The following DLGAP2 variants were observed in gnomAD, a reference collection of about 807,000 sequenced individuals.
DLGAP2 encodes the protein DLG associated protein 2.
DLGAP2 carries 26 observed loss-of-function variants against 100.3 expected under a neutral mutation model. The observed-to-expected ratio is 0.26, with a 90% CI of 0.19 to 0.36. The LOEUF (loss-of-function observed/expected upper bound fraction) is 0.36. Ranked by LOEUF, DLGAP2 falls within the 10% of genes least tolerant of loss-of-function variation. The pLI is 1.00. For synonymous variants in DLGAP2, 886 were observed against 630.1 expected, an observed-to-expected ratio of 1.41 and a Z score of -6.08; for missense variants, 1,858 against 1,453.2, an observed-to-expected ratio of 1.28 and a Z score of -4.53.
chr8:826,341 A>G (rs1411192022), intron 1 of DLGAP2, among the ~76,000 whole-genome samples: 2 of 151,960 alleles, frequency 1.3e-5, no homozygotes, highest in African/African-American at 2.4e-5. Context: ...GCTTGGTTTT[A>G]TTGATTTTCA....
At chr8:908,691 T>A (rs914026346) in intron 2 of DLGAP2, among the ~76,000 whole-genome samples, 2 of 152,232 alleles carry the variant, frequency 1.3e-5, no homozygotes, top group Non-Finnish European at 2.9e-5. Flanking sequence ...ATTTCTGATT[T>A]ATTTTTATCA....
intron 1 of DLGAP2, among the ~76,000 whole-genome samples, chr8:800,886 C>T (rs1796137335): frequency 6.6e-6 from 1 of 152,168 alleles, no homozygotes; most frequent in East Asian, 1.9e-4. Context: ...CCCCAGCAAT[C>T]CCCGGCCGTG....
chr8:1,549,284 G>A lies in DLGAP2; in HGVS notation c.831G>A (p.Arg277=). 2 of 1,612,068 alleles carry A rather than the reference G, an allele frequency of 1.2e-6. No homozygotes were observed. The highest frequency in any genetic ancestry group is 1.7e-6 in the Non-Finnish European group (2 of 1,179,616). Residue 277 remains arginine, a synonymous_variant, in exon 5 of 15, where the codon AGG becomes AGA. Transcript: ENST00000637795. ...CCCACCACGCCAAGCACAGCAAGAG[G>A]AGCAAGAGCAAGGAGCGCAAGCCGG... is the stretch of plus-strand genomic sequence containing the variant. The part of the protein sequence containing the change: ...HHAHHAKHSK[R]SKSKERKPEG...
At chr8:1,680,483 T>A (rs1379798173) in intron 12 of DLGAP2, 1 of 152,230 alleles carries the variant, frequency 6.6e-6, no homozygotes, top group Non-Finnish European at 1.5e-5. Flanking sequence ...ACATTGCCTT[T>A]AATTGACTAA....
chr8:940,933 C>T (rs879533077), intron 2 of DLGAP2, among the ~76,000 whole-genome samples: 53 of 152,194 alleles, frequency 3.5e-4, no homozygotes, highest in African/African-American at 1.2e-3. Flanking sequence ...CCAGAGCGGG[C>T]GTAGGGTACC....
At chr8:1,095,618 T>C (rs1263365187) in intron 2 of DLGAP2, among the ~76,000 whole-genome samples, 2 of 152,202 alleles carry the variant, frequency 1.3e-5, no homozygotes, top group African/African-American at 4.8e-5. Flanking sequence ...TTCCGAGTGC[T>C]GGGCGCACAG....
intron 3 of DLGAP2, among the ~76,000 whole-genome samples, chr8:1,500,713 G>T (rs2130319805): frequency 6.6e-6 from 1 of 152,250 alleles, no homozygotes; most frequent in East Asian, 1.9e-4. Context: ...ACCTTTTACA[G>T]CCACATGCTG....
intron 2 of DLGAP2, among the ~76,000 whole-genome samples, chr8:1,210,350 G>A (rs746471389): frequency 4.0e-4 from 41 of 103,442 alleles, no homozygotes; most frequent in Non-Finnish European, 5.3e-5. Flanking sequence ...GATGAAACCA[G>A]TGCAGTGTTT....
At chr8:1,283,353 C>G (rs1024237441) in intron 3 of DLGAP2, among the ~76,000 whole-genome samples, 2 of 152,128 alleles carry the variant, frequency 1.3e-5, no homozygotes, top group Non-Finnish European at 2.9e-5. Flanking sequence ...GGATCTGTCC[C>G]TCTTCGTCCC....
At chr8:1,000,578 T>G (rs1800926101) in intron 2 of DLGAP2, among the ~76,000 whole-genome samples, 1 of 152,198 alleles carries the variant, frequency 6.6e-6, no homozygotes, top group Non-Finnish European at 1.5e-5. Flanking sequence ...TGTCTAGATT[T>G]GGTTTTTGCA....
intron 6 of DLGAP2, among the ~76,000 whole-genome samples, chr8:1,574,292 G>A (rs1026018027): frequency 3.3e-5 from 5 of 152,116 alleles, no homozygotes; most frequent in African/African-American, 1.2e-4. Context: ...AATGAACTAG[G>A]CACAGCACCG....
intron 1 of DLGAP2, among the ~76,000 whole-genome samples, chr8:771,688 G>A (rs1821365129): frequency 6.6e-6 from 1 of 152,232 alleles, no homozygotes; most frequent in African/African-American, 2.4e-5. Context: ...CGTGGCCTCT[G>A]GGGCTCTGCC....
At chr8:1,228,656 T>C (rs917831766) in intron 2 of DLGAP2, among the ~76,000 whole-genome samples, 9 of 152,174 alleles carry the variant, frequency 5.9e-5, no homozygotes, top group African/African-American at 2.2e-4. Flanking sequence ...ATTAATGCAA[T>C]GCAACATATT....
intron 1 of DLGAP2, among the ~76,000 whole-genome samples, chr8:826,668 C>T (rs1012711231): frequency 6.6e-6 from 1 of 152,078 alleles, no homozygotes; most frequent in Non-Finnish European, 1.5e-5. Context: ...GGTCCCGCGC[C>T]CCCTCTCGCA....
intron 5 of DLGAP2, among the ~76,000 whole-genome samples, chr8:1,562,334 G>C (rs1289735590): frequency 9.0e-5 from 4 of 44,470 alleles, no homozygotes; most frequent in Non-Finnish European, 4.2e-5. Flanking sequence ...CCTCGTTACT[G>C]GGGGACTGTG....
chr8:1,188,661 C>T lies in DLGAP2; in HGVS notation c.74-70190C>T, dbSNP rs531775359. Among the ~76,000 whole-genome samples the T allele has an allele frequency of 2.0e-4, 30 of 152,264 alleles. No individual in the cohort carries two copies. The South Asian group carries it at 5.8e-3, about 30-fold the overall frequency. On this transcript the variant is annotated intron_variant, in intron 2 of 14. Coordinates refer to ENST00000637795, the MANE Select transcript of DLGAP2 (RefSeq NM_001346810.2). The stretch of plus-strand genomic sequence containing the variant: ...TCCCAATAGAACAGCGACTCATCCG[C>T]CCAGCACTCCGGGGGCAGGAAGAGA...
chr8:1,505,248 A>G (rs1464501050), intron 4 of DLGAP2, among the ~76,000 whole-genome samples: 5 of 152,242 alleles, frequency 3.3e-5, no homozygotes, highest in African/African-American at 1.2e-4. Flanking sequence ...AACACTTCAT[A>G]ATGATCTTGA....
intron 1 of DLGAP2, chr8:738,423 G>T (rs978367482): frequency 6.6e-6 from 1 of 152,256 alleles, no homozygotes; most frequent in Non-Finnish European, 1.5e-5. Flanking sequence ...GGTGCGCGCA[G>T]CGAGGGGGTG....
At chr8:1,280,792 G>T (rs530700634) in intron 3 of DLGAP2, among the ~76,000 whole-genome samples, 11 of 152,320 alleles carry the variant, frequency 7.2e-5, no homozygotes, top group African/African-American at 2.6e-4. Context: ...CTTCGTGTTT[G>T]CAGATGTCAC....
Sources: gnomAD v4.1 joint callset for allele counts (sites outside exome capture counted in the v4.1 genomes callset) on GRCh38, gnomAD v4.1.1 for gene constraint, MANE v1.5 for transcripts, NCBI Gene and HGNC (gene_info 2026-07-23, HGNC 2026-07-21) for gene names.